Variants in TMEM132C observed in about 807,000 individuals in gnomAD.
TMEM132C encodes the protein protein phosphatase 1, regulatory subunit 152.
A neutral mutation model predicts 61.4 loss-of-function variants in TMEM132C; 29 were observed. The observed-to-expected ratio is 0.47, with a 90% CI of 0.35 to 0.64. TMEM132C has a LOEUF of 0.64. Among genes scored for constraint, TMEM132C ranks in the 30% least tolerant of loss-of-function variants. The probability of loss-of-function intolerance (pLI) is 0.00; values close to 1 mark genes in which losing one functional copy is unlikely to be tolerated. For synonymous variants in TMEM132C, 656 were observed against 633.1 expected, an observed-to-expected ratio of 1.04 and a Z score of -0.54; for missense variants, 1,408 against 1,476.9, an observed-to-expected ratio of 0.95 and a Z score of 0.76.
At chr12:128,540,378 C>G (rs1187396672) in intron 2 of TMEM132C, among the ~76,000 whole-genome samples, 1 of 152,098 alleles carries the variant, frequency 6.6e-6, no homozygotes, top group African/African-American at 2.4e-5. Flanking sequence ...CTCAGCCTCC[C>G]GAGTAGCTGG....
chr12:128,670,416 C>T (rs1018924577), intron 5 of TMEM132C, among the ~76,000 whole-genome samples: 6 of 152,044 alleles, frequency 3.9e-5, no homozygotes, highest in African/African-American at 1.4e-4. Flanking sequence ...ATCTTTTGAC[C>T]AATATCTGCA....
chr12:128,615,854 G>C (rs1349782026), intron 3 of TMEM132C, among the ~76,000 whole-genome samples: 2 of 152,194 alleles, frequency 1.3e-5, no homozygotes, highest in Non-Finnish European at 2.9e-5. Context: ...AGATAAACTA[G>C]TTTAGCTCAT....
At chr12:128,492,805 T>A (rs950923719) in intron 2 of TMEM132C, among the ~76,000 whole-genome samples, 4 of 152,228 alleles carry the variant, frequency 2.6e-5, no homozygotes, top group African/African-American at 4.8e-5. Flanking sequence ...GTAGGTTGCC[T>A]GTTCACTCTG....
chr12:128,533,008 G>T (rs577072361), intron 2 of TMEM132C, among the ~76,000 whole-genome samples: 3 of 151,898 alleles, frequency 2.0e-5, no homozygotes, highest in Non-Finnish European at 4.4e-5. Flanking sequence ...TAGGGCTGCT[G>T]TCAGGTCAGT....
chr12:128,604,474 C>G (rs1239827166), intron 3 of TMEM132C, among the ~76,000 whole-genome samples: 1 of 144,830 alleles, frequency 6.9e-6, no homozygotes, highest in Non-Finnish European at 1.5e-5. Flanking sequence ...ATAGATGATA[C>G]AAATGGATAG....
Position 128,267,296 on chromosome 12 carries a change from C to A in TMEM132C, c.-107C>A. On this transcript the variant is annotated 5_prime_UTR_variant, in exon 1 of 9. Transcript: ENST00000435159. ...ACAGCAGAGACGCAGCGGGCCCGGC[C>A]GACCGGGCTGCGGGAGTGGCCCCGG... The A allele has an allele frequency of 1.4e-6, 1 of 704,748 alleles. No homozygotes were observed. The highest frequency in any genetic ancestry group is 1.7e-6 in the Non-Finnish European group (1 of 575,502). 43.7% of individuals were successfully genotyped at this position (704,748 alleles called of 1,614,324 possible).
chr12:128,435,459 A>G (rs1869551292), intron 2 of TMEM132C, among the ~76,000 whole-genome samples: 1 of 152,244 alleles, frequency 6.6e-6, no homozygotes, highest in Non-Finnish European at 1.5e-5. Flanking sequence ...AAGTCTCAGG[A>G]TACAAAATCA....
At chr12:128,341,048 C>T (rs1306369818) in intron 1 of TMEM132C, among the ~76,000 whole-genome samples, 1 of 151,798 alleles carries the variant, frequency 6.6e-6, no homozygotes, top group African/African-American at 2.4e-5. Flanking sequence ...TCAAATGATT[C>T]TCCTGCCTCA....
At chr12:128,517,731 A>C (rs760847901) in intron 2 of TMEM132C, among the ~76,000 whole-genome samples, 2 of 152,170 alleles carry the variant, frequency 1.3e-5, no homozygotes, top group Non-Finnish European at 2.9e-5. Flanking sequence ...GTTATTGGTA[A>C]AATTCTCCAA....
At chr12:128,516,519 T>TA in intron 2 of TMEM132C, among the ~76,000 whole-genome samples, 1 of 152,178 alleles carries the variant, frequency 6.6e-6, no homozygotes, top group South Asian at 2.1e-4. Flanking sequence ...GGCTGATGGT[T>TA]ATGTTCGGTG....
chr12:128,404,219 A>C (rs1287772478), intron 1 of TMEM132C, among the ~76,000 whole-genome samples: 1 of 152,166 alleles, frequency 6.6e-6, no homozygotes, highest in Non-Finnish European at 1.5e-5. Context: ...TTTTATTTTT[A>C]TCCAATTCAA....
intron 1 of TMEM132C, among the ~76,000 whole-genome samples, chr12:128,398,362 G>A (rs1037024279): frequency 1.3e-5 from 2 of 152,210 alleles, no homozygotes; most frequent in African/African-American, 4.8e-5. Context: ...CTCTCCGCAG[G>A]GAAAAATGGA....
Position 128,327,273 on chromosome 12 carries a change from T to C in TMEM132C, c.85+59786T>C, listed in dbSNP as rs1872551184. Among the ~76,000 whole-genome samples, 2 of 150,210 alleles carry C rather than the reference T, an allele frequency of 1.3e-5. 1 individual carries two copies. The highest frequency in any genetic ancestry group is 4.1e-4 in the South Asian group (2 of 4,828). On this transcript the variant is annotated intron_variant, in intron 1 of 8. Transcript: ENST00000435159. ...CTGTAAAATATTTGAAGAGACTTAT[T>C]CTGAGCCAAACATGAGTGACCATGG...
intron 3 of TMEM132C, among the ~76,000 whole-genome samples, chr12:128,610,002 G>T (rs1331438505): frequency 2.6e-5 from 4 of 152,202 alleles, no homozygotes; most frequent in African/African-American, 9.7e-5. Flanking sequence ...TCAATGCAGG[G>T]TCTTTTCTGT....
chr12:128,347,192 T>C (rs1306419156), intron 1 of TMEM132C, among the ~76,000 whole-genome samples: 1 of 152,228 alleles, frequency 6.6e-6, no homozygotes, highest in Non-Finnish European at 1.5e-5. Context: ...TTTTCCATTC[T>C]TGAGTTACTT....
intron 2 of TMEM132C, among the ~76,000 whole-genome samples, chr12:128,436,291 A>T (rs1399903568): frequency 1.3e-5 from 2 of 152,196 alleles, no homozygotes; most frequent in African/African-American, 4.8e-5. Context: ...AAGCCAAAAT[A>T]GACAAATGGG....
chr12:128,508,541 A>G (rs1340569483), intron 2 of TMEM132C, among the ~76,000 whole-genome samples: 3 of 152,284 alleles, frequency 2.0e-5, no homozygotes, highest in Admixed American at 2.0e-4. Flanking sequence ...TCCTGTCCCC[A>G]GCTGTGTGCA....
chr12:128,613,578 T>C (rs1392196476), intron 3 of TMEM132C, among the ~76,000 whole-genome samples: 1 of 152,222 alleles, frequency 6.6e-6, no homozygotes, highest in African/African-American at 2.4e-5. Context: ...CCTAGCTTGA[T>C]GGTCAAGACC....
At chr12:128,586,274 TAAAC>T (rs2135562987) in intron 3 of TMEM132C, among the ~76,000 whole-genome samples, 1 of 151,992 alleles carries the variant, frequency 6.6e-6, no homozygotes, top group Non-Finnish European at 1.5e-5. Flanking sequence ...TCAAAAAAGT[TAAAC>T]AATGACCATA....
Sources: allele counts gnomAD v4.1 joint callset (sites outside exome capture counted in the v4.1 genomes callset), GRCh38; gene constraint gnomAD v4.1.1; transcripts MANE v1.5; gene names NCBI Gene and HGNC (gene_info 2026-07-23, HGNC 2026-07-21).